CDC37L1: variants seen among roughly 807,000 people sequenced by gnomAD.
CDC37L1 encodes hsp90 co-chaperone Cdc37-like 1.
A neutral mutation model predicts 45.9 loss-of-function variants in CDC37L1; 32 were observed. The ratio of observed to expected loss-of-function variants is 0.70; its 90% confidence interval spans 0.53 to 0.94. The LOEUF is 0.94. Ranked by LOEUF, CDC37L1 falls within the 40% of genes least tolerant of loss-of-function variation. The probability of loss-of-function intolerance (pLI) is 0.00; values close to 1 mark genes in which losing one functional copy is unlikely to be tolerated. For missense variants in CDC37L1, 434 were observed against 405.7 expected (o/e 1.07, Z -0.60); for synonymous variants, 150 against 133.0 (o/e 1.13, Z -0.88).
chr9:4,681,580 G>A (rs1841194196), intron 1 of CDC37L1, among the ~76,000 whole-genome samples: 1 of 150,078 alleles, frequency 6.7e-6, no homozygotes, highest in South Asian at 2.1e-4. Flanking sequence ...AGGTTACAGT[G>A]AGCCGAGATC....
chr9:4,682,510 G>C (rs1006259883), intron 1 of CDC37L1, among the ~76,000 whole-genome samples: 3 of 151,542 alleles, frequency 2.0e-5, no homozygotes, highest in Admixed American at 1.3e-4. Flanking sequence ...TGTATTTTTA[G>C]TAGAGATGAG....
chr9:4,681,598 T>C (rs1049357125), intron 1 of CDC37L1, among the ~76,000 whole-genome samples: 18 of 152,120 alleles, frequency 1.2e-4, no homozygotes, highest in Non-Finnish European at 2.5e-4. Flanking sequence ...ATCACACCAT[T>C]GCATTCCAGC....
chr9:4,685,366 A>C (rs1465892904), intron 2 of CDC37L1: 2 of 473,718 alleles, frequency 4.2e-6, no homozygotes, highest in African/African-American at 3.9e-5. Context: ...TTAAGTGACC[A>C]GACTGAAATA....
At chr9:4,683,039 A>T (rs1041722385) in intron 1 of CDC37L1, among the ~76,000 whole-genome samples, 3 of 143,472 alleles carry the variant, frequency 2.1e-5, no homozygotes, top group Admixed American at 1.4e-4. Context: ...ATTTATATAT[A>T]AAATATATTT....
In CDC37L1 at chr9:4,706,480, A is replaced by T. The variant is rs2130856852; in HGVS notation, c.*368A>T. ...TCTGCTACAGTCTCTTTTTATATGG[A>T]TATGTACATGTCCTATTCTACAAAA... On this transcript the variant is annotated 3_prime_UTR_variant, in exon 7 of 7. Transcript: ENST00000381854. 6.0e-6 allele frequency: 1 copy of T among 166,134 alleles called. No homozygotes were observed. Among genetic ancestry groups the T allele is most frequent in the African/African-American group, 2.4e-5 (1 of 41,960 alleles). The allele number at this position is 166,134 out of a possible 1,614,324, so 10.3% of individuals were successfully genotyped here. A position where few individuals can be genotyped will look rare whatever the true frequency, so the allele number is the denominator to read the frequency against.
At chr9:4,705,981 C>G (rs1480044824) in intron 6 of CDC37L1, 30 bp from the exon 7 acceptor site, 1 of 1,071,700 alleles carries the variant, frequency 9.3e-7, no homozygotes, top group Non-Finnish European at 1.4e-6. Flanking sequence ...TTCTTTTTCT[C>G]CCCCCAATCT....
At chr9:4,692,362 C>T (rs1459486581) in intron 3 of CDC37L1, among the ~76,000 whole-genome samples, 4 of 151,920 alleles carry the variant, frequency 2.6e-5, no homozygotes, top group African/African-American at 9.7e-5. Context: ...CTCCGCCTCC[C>T]GGGTTCAAGC....
At chr9:4,687,337 TGACTTTAAA>T (rs1841256196) in intron 2 of CDC37L1, among the ~76,000 whole-genome samples, 1 of 152,192 alleles carries the variant, frequency 6.6e-6, no homozygotes, top group African/African-American at 2.4e-5. Context: ...AATTTGTACT[TGACTTTAAA>T]AATCAAACTG....
chr9:4,693,134 T>G (rs1037926130), intron 3 of CDC37L1, among the ~76,000 whole-genome samples: 1 of 152,002 alleles, frequency 6.6e-6, no homozygotes, highest in African/African-American at 2.4e-5. Flanking sequence ...AATGAATTAG[T>G]GTAGTTTGTT....
At chr9:4,681,050 G>C (rs1035721745) in intron 1 of CDC37L1, among the ~76,000 whole-genome samples, 1 of 152,158 alleles carries the variant, frequency 6.6e-6, no homozygotes, top group Non-Finnish European at 1.5e-5. Flanking sequence ...TCCATCATTA[G>C]TCACCCACTA....
intron 2 of CDC37L1, among the ~76,000 whole-genome samples, chr9:4,687,430 G>A (rs992750916): frequency 1.3e-5 from 2 of 152,090 alleles, no homozygotes; most frequent in Non-Finnish European, 2.9e-5. Flanking sequence ...TATAATCCCA[G>A]CACGTTGGAA....
intron 6 of CDC37L1, chr9:4,703,170 G>A: frequency 6.8e-7 from 1 of 1,476,688 alleles, no homozygotes; most frequent in Non-Finnish European, 9.0e-7. Flanking sequence ...AAGACAATGT[G>A]AGGAGAGTCC....
Position 4,679,573 on chromosome 9 carries a change from C to A in CDC37L1, c.-195C>A. 1.9e-6 allele frequency: 1 copy of A among 517,080 alleles called. No homozygotes were observed. The highest frequency in any genetic ancestry group is 3.5e-6 in the Non-Finnish European group (1 of 288,514). 32.0% of individuals were successfully genotyped at this position (517,080 alleles called of 1,614,324 possible). On this transcript the variant is annotated 5_prime_UTR_variant, in exon 1 of 7. Transcript: ENST00000381854. The stretch of plus-strand genomic sequence containing the variant: ...GACGCACCGCGCCGACTATTTCTTC[C>A]GCCGTCCGCCGGTGGCGAGGCCCAG...
intron 1 of CDC37L1, among the ~76,000 whole-genome samples, chr9:4,683,968 G>A (rs957749839): frequency 5.3e-5 from 8 of 152,204 alleles, no homozygotes; most frequent in Non-Finnish European, 8.8e-5. Context: ...GGTCAGCAGG[G>A]TAGACCATTG....
At chr9:4,681,226 G>C (rs1387457409) in intron 1 of CDC37L1, among the ~76,000 whole-genome samples, 1 of 152,228 alleles carries the variant, frequency 6.6e-6, no homozygotes, top group Non-Finnish European at 1.5e-5. Flanking sequence ...AATTACAGAA[G>C]TAATCTAGAG....
Position 4,679,601 on chromosome 9 carries a change from T to G in CDC37L1, c.-167T>G, listed in dbSNP as rs1013689635. ...CGTCCGCCGGTGGCGAGGCCCAGGC[T>G]GTCGCCGGGTGTGCAGCGGCGTCGC... On this transcript the variant is annotated 5_prime_UTR_variant, in exon 1 of 7. Coordinates refer to ENST00000381854, the MANE Select transcript of CDC37L1 (RefSeq NM_017913.4). 1.7e-6 allele frequency: 1 copy of G among 579,162 alleles called. No homozygotes were observed. Among genetic ancestry groups the G allele is most frequent in the Non-Finnish European group, 3.0e-6 (1 of 337,126 alleles). The allele number at this position is 579,162 out of a possible 1,614,324, so 35.9% of individuals were successfully genotyped here.
intron 1 of CDC37L1, among the ~76,000 whole-genome samples, chr9:4,682,476 C>T (rs961747616): frequency 1.2e-4 from 18 of 151,758 alleles, no homozygotes; most frequent in Non-Finnish European, 2.2e-4. Flanking sequence ...TACAGGCACC[C>T]GCCACCATGC....
chr9:4,705,946 C>A, intron 6 of CDC37L1, 65 bp from the exon 7 acceptor site: 1 of 730,948 alleles, frequency 1.4e-6, no homozygotes, highest in East Asian at 2.6e-5. Flanking sequence ...TATGTATGTA[C>A]TGTCATAAAA....
In CDC37L1 at chr9:4,707,404, G is replaced by T. The variant is rs534552489; in HGVS notation, c.*1292G>T. 41 of 152,296 alleles carry T rather than the reference G, an allele frequency of 2.7e-4. No homozygotes were observed. The highest frequency in any genetic ancestry group is 9.6e-4 in the African/African-American group (40 of 41,536). The allele number at this position is 152,296 out of a possible 1,614,324, so 9.4% of individuals were successfully genotyped here. ...TAAGGCTAGTAGCAAACACTTGGAA[G>T]GTGGCTAACTGGGACTGGGAATACG... On this transcript the variant is annotated 3_prime_UTR_variant, in exon 7 of 7. Transcript: ENST00000381854.
Sources: gnomAD v4.1 joint callset for allele counts (sites outside exome capture counted in the v4.1 genomes callset) on GRCh38, gnomAD v4.1.1 for gene constraint, MANE v1.5 for transcripts, NCBI Gene and HGNC (gene_info 2026-07-23, HGNC 2026-07-21) for gene names.